The following LAMB1 variants were observed in gnomAD, a reference collection of about 807,000 sequenced individuals.
LAMB1 encodes laminin subunit beta 1.
A neutral mutation model predicts 222.3 loss-of-function variants in LAMB1; 121 were observed. The observed-to-expected ratio is 0.54, with a 90% CI of 0.47 to 0.63. The LOEUF is 0.63. Among genes scored for constraint, LAMB1 ranks in the 30% least tolerant of loss-of-function variants. The pLI is 0.00. For missense variants in LAMB1, 2,172 were observed against 2,240.8 expected (o/e 0.97, Z 0.62); for synonymous variants, 794 against 807.2 (o/e 0.98, Z 0.28).
At chr7:107,951,453 A>G in intron 23 of LAMB1, 131 bp from the exon 24 acceptor site, 1 of 731,144 alleles carries the variant, frequency 1.4e-6, no homozygotes, top group Non-Finnish European at 2.2e-6. Flanking sequence ...GACTAGGAAA[A>G]GGGACTCCCA....
In LAMB1 at chr7:107,981,600, T is replaced by C. The variant is rs183661555; in HGVS notation, c.677-789A>G. Among the ~76,000 whole-genome samples the C allele has an allele frequency of 2.0e-3, 308 of 152,130 alleles. 3 individuals carry two copies. The highest frequency in any genetic ancestry group is 5.9e-4 in the Admixed American group (9 of 15,274). On this transcript the variant is annotated intron_variant, in intron 7 of 33. Transcript: ENST00000222399. ...TGCAGAACAGCTATTTAGGAAGAAG[T>C]GTGAAAGTGGAGAAATTATAAGAAC...
Position 107,986,439 on chromosome 7 carries a change from G to A in LAMB1, c.424-76C>T, listed in dbSNP as rs2034079028. ...ACTTTTTTTAATCTCAGGTAAAAAT[G>A]TCACTCAACTGCATGCCACAAACTT... On this transcript the variant is annotated intron_variant, in intron 5 of 33. Transcript: ENST00000222399. 10 of 1,259,342 alleles carry A rather than the reference G, an allele frequency of 7.9e-6. No homozygotes were observed. The South Asian group carries it at 9.0e-5, about 11-fold the overall frequency. 78.0% of individuals were successfully genotyped at this position (1,259,342 alleles called of 1,614,324 possible).
intron 24 of LAMB1, among the ~76,000 whole-genome samples, chr7:107,949,614 A>C (rs2033198959): frequency 6.6e-6 from 1 of 152,228 alleles, no homozygotes; most frequent in Non-Finnish European, 1.5e-5. Flanking sequence ...TAAGAACCAA[A>C]TTTGGAGAAT....
intron 22 of LAMB1, among the ~76,000 whole-genome samples, chr7:107,952,778 A>G (rs2033286103): frequency 6.6e-6 from 1 of 152,208 alleles, no homozygotes; most frequent in Admixed American, 6.5e-5. Context: ...AGAGAAATAA[A>G]GAGGTCCAAA....
At chr7:107,942,602 G>A (rs961323302) in intron 24 of LAMB1, 4 of 152,186 alleles carry the variant, frequency 2.6e-5, no homozygotes, top group Non-Finnish European at 4.4e-5. Context: ...TCAGGAAACT[G>A]AGTCACGTCT....
intron 25 of LAMB1, 54 bp from the exon 26 acceptor site, chr7:107,937,331 T>C (rs1455243816): frequency 1.4e-6 from 2 of 1,436,082 alleles, no homozygotes; most frequent in East Asian, 2.3e-5. Context: ...GGGAGAACTT[T>C]CACGTTTCAT....
chr7:107,938,017 A>T (rs1007522379), intron 25 of LAMB1, among the ~76,000 whole-genome samples: 11 of 151,930 alleles, frequency 7.2e-5, no homozygotes, highest in African/African-American at 1.9e-4. Flanking sequence ...GTGTGTGTGC[A>T]CATGCGAGTG....
intron 24 of LAMB1, among the ~76,000 whole-genome samples, chr7:107,941,655 ATTT>A (rs35218754): frequency 2.1e-5 from 3 of 143,538 alleles, no homozygotes; most frequent in Admixed American, 1.4e-4. Flanking sequence ...GCTTTCTCGG[ATTT>A]TTTTTTTTTT....
intron 21 of LAMB1, among the ~76,000 whole-genome samples, chr7:107,954,569 T>C (rs1399254072): frequency 6.6e-6 from 1 of 152,032 alleles, no homozygotes; most frequent in African/African-American, 2.4e-5. Context: ...AGTCAGGAGA[T>C]CGAGACCATC....
intron 3 of LAMB1, among the ~76,000 whole-genome samples, chr7:108,000,861 A>C (rs1324454460): frequency 1.3e-5 from 2 of 152,222 alleles, no homozygotes; most frequent in Admixed American, 6.5e-5. Flanking sequence ...CTTTTTAAAA[A>C]TGAAGGAAAA....
At chr7:107,975,906 G>C (rs1408499702) in intron 9 of LAMB1, 29 bp from the exon 10 acceptor site, 2 of 1,601,392 alleles carry the variant, frequency 1.2e-6, no homozygotes, top group East Asian at 4.5e-5. Flanking sequence ...GTCAAGAAAA[G>C]CTTTTTAAAT....
intron 27 of LAMB1, 112 bp from the exon 28 acceptor site, chr7:107,932,489 G>C (rs2032737724): frequency 1.0e-6 from 1 of 992,174 alleles, no homozygotes; most frequent in Non-Finnish European, 1.6e-6. Flanking sequence ...TCCTCAGCAA[G>C]GGTGCTTGAA....
intron 22 of LAMB1, among the ~76,000 whole-genome samples, chr7:107,952,878 G>A (rs1394915440): frequency 6.6e-6 from 1 of 152,184 alleles, no homozygotes; most frequent in Non-Finnish European, 1.5e-5. Context: ...GGACCACAGT[G>A]GGTATTTAGG....
chr7:107,961,168 G>C (rs2150428402), intron 17 of LAMB1, 38 bp downstream of exon 17: 1 of 1,613,216 alleles, frequency 6.2e-7, no homozygotes, highest in Non-Finnish European at 8.5e-7. Flanking sequence ...TTTCCGCCCA[G>C]GCTTTCCTGC....
In LAMB1 at chr7:107,924,153, A is replaced by T. The variant is rs1278592561; in HGVS notation, c.5225-66T>A. The T allele has an allele frequency of 2.0e-6, 3 of 1,532,514 alleles. No homozygotes were observed. In the East Asian group the frequency reaches 6.8e-5, roughly 35 times the overall value. The allele number at this position is 1,532,514 out of a possible 1,614,324, so 94.9% of individuals were successfully genotyped here. ...ACTATGATGATCTCAAGACAAAGTG[A>T]ATATATTTTTCACTTTTAAATAAAC... On this transcript the variant is annotated intron_variant, in intron 33 of 33. Transcript: ENST00000222399.
chr7:107,992,196 C>T (rs902579446), intron 5 of LAMB1, among the ~76,000 whole-genome samples: 6 of 152,218 alleles, frequency 3.9e-5, no homozygotes, highest in Non-Finnish European at 5.9e-5. Flanking sequence ...CATCCCTGCT[C>T]TCCCTTCCTG....
intron 26 of LAMB1, 44 bp from the exon 27 acceptor site, chr7:107,935,700 T>C: frequency 6.3e-7 from 1 of 1,596,750 alleles, no homozygotes; most frequent in Non-Finnish European, 8.6e-7. Flanking sequence ...CTCATCATAC[T>C]AGGCTTCCTC....
intron 13 of LAMB1, among the ~76,000 whole-genome samples, chr7:107,967,509 CT>C (rs1241535108): frequency 7.9e-5 from 12 of 152,194 alleles, no homozygotes; most frequent in Admixed American, 5.2e-4. Context: ...CTCTGCCTGG[CT>C]TTCTGCAGCC....
intron 32 of LAMB1, 150 bp from the exon 33 acceptor site, chr7:107,924,539 G>T: frequency 1.7e-6 from 1 of 590,962 alleles, no homozygotes; most frequent in Non-Finnish European, 2.7e-6. Context: ...TCTTCAAACA[G>T]TGGAATTGAA....
Sources: gnomAD v4.1 joint callset for allele counts (sites outside exome capture counted in the v4.1 genomes callset) on GRCh38, gnomAD v4.1.1 for gene constraint, MANE v1.5 for transcripts, NCBI Gene and HGNC (gene_info 2026-07-23, HGNC 2026-07-21) for gene names.